Variants in SPTLC3 observed in about 807,000 individuals in gnomAD.
SPTLC3 encodes the protein serine palmitoyltransferase long chain base subunit 3.
A neutral mutation model predicts 59.3 loss-of-function variants in SPTLC3; 36 were observed. The ratio of observed to expected loss-of-function variants is 0.61; its 90% CI spans 0.47 to 0.80. SPTLC3 has a LOEUF of 0.80. SPTLC3 is among the 30% of genes least tolerant of loss of function. The pLI, the probability that SPTLC3 is intolerant of heterozygous loss-of-function variation, is 0.00. For missense variants in SPTLC3, 625 were observed against 685.1 expected (o/e 0.91, Z 0.98); for synonymous variants, 257 against 240.8 (o/e 1.07, Z -0.62).
chr20:13,154,979 G>A (rs922720671), intron 10 of SPTLC3, among the ~76,000 whole-genome samples: 5 of 152,032 alleles, frequency 3.3e-5, no homozygotes, highest in South Asian at 4.1e-4. Context: ...TCAGGAGTTC[G>A]AGACCAGCCT....
rs1014847697 is a variant in SPTLC3, at chr20:13,167,062, G to A, written c.*2195G>A. ...ATATACAGGTATGAGAACAACTGTT[G>A]ATATACAGGTATAATCCAAGTAGAA... On this transcript the variant is annotated 3_prime_UTR_variant, in exon 12 of 12. Coordinates refer to ENST00000399002, the MANE Select transcript of SPTLC3 (RefSeq NM_018327.4). 6.6e-6 allele frequency: 1 copy of A among 152,126 alleles called. No individual in the cohort carries two copies. Among genetic ancestry groups the A allele is most frequent in the African/African-American group, 2.4e-5 (1 of 41,424 alleles). 9.4% of individuals were successfully genotyped at this position (152,126 alleles called of 1,614,324 possible).
chr20:13,049,273 C>G, intron 2 of SPTLC3, 143 bp downstream of exon 2: 1 of 851,990 alleles, frequency 1.2e-6, no homozygotes, highest in South Asian at 1.4e-5. Context: ...TCTCCACCTC[C>G]TAAACCCCAT....
chr20:13,144,901 A>G (rs2038473801), intron 9 of SPTLC3, among the ~76,000 whole-genome samples: 1 of 152,136 alleles, frequency 6.6e-6, no homozygotes, highest in Non-Finnish European at 1.5e-5. Flanking sequence ...CAGCCTCCCA[A>G]GTAGCTGGGA....
chr20:13,100,003 A>G (rs1989548908), intron 6 of SPTLC3, among the ~76,000 whole-genome samples: 1 of 152,200 alleles, frequency 6.6e-6, no homozygotes, highest in African/African-American at 2.4e-5. Context: ...GCTCTCACAG[A>G]CTGTCCTCTG....
chr20:13,047,678 T>C (rs1270484652), intron 1 of SPTLC3, among the ~76,000 whole-genome samples: 1 of 152,138 alleles, frequency 6.6e-6, no homozygotes, highest in African/African-American at 2.4e-5. Context: ...TGCAAATCAA[T>C]TAAACAGTCA....
intron 4 of SPTLC3, 129 bp downstream of exon 4, chr20:13,074,626 A>G: frequency 2.7e-6 from 3 of 1,130,392 alleles, no homozygotes; most frequent in South Asian, 4.1e-5. Flanking sequence ...AAAGAAAAAA[A>G]AGAGATATTT....
rs891495310 is a variant in SPTLC3 at position 13,036,239 on chromosome 20, A to C, written c.118-12706A>C. Among the ~76,000 whole-genome samples the C allele has an allele frequency of 6.6e-5, 10 of 152,146 alleles. No individual in the cohort carries two copies. In the South Asian group the frequency reaches 1.9e-3, roughly 28 times the overall value. On this transcript the variant is annotated intron_variant, in intron 1 of 11. Transcript: ENST00000399002. ...TTGAACTGTTAGGATCTATTTATAC[A>C]CTGATTTTTTTTCAATAGAAGTTAC...
At chr20:13,161,404 T>C (rs1179206227) in intron 11 of SPTLC3, among the ~76,000 whole-genome samples, 2 of 152,176 alleles carry the variant, frequency 1.3e-5, no homozygotes, top group Non-Finnish European at 2.9e-5. Context: ...GGAACTGCTA[T>C]AGTTTAGGGA....
At chr20:13,093,125 T>C (rs1381606056) in intron 5 of SPTLC3, among the ~76,000 whole-genome samples, 1 of 152,190 alleles carries the variant, frequency 6.6e-6, no homozygotes, top group Admixed American at 6.5e-5. Context: ...TAATCTCTCA[T>C]GGAAGTGCCC....
chr20:13,018,739 A>G (rs1985695150), intron 1 of SPTLC3, among the ~76,000 whole-genome samples: 1 of 152,212 alleles, frequency 6.6e-6, no homozygotes, highest in Admixed American at 6.5e-5. Context: ...TATTAACCTA[A>G]TTAATTGCAA....
chr20:13,057,435 TTC>T (rs1387603193), intron 2 of SPTLC3, among the ~76,000 whole-genome samples: 1 of 152,234 alleles, frequency 6.6e-6, no homozygotes, highest in Non-Finnish European at 1.5e-5. Context: ...TTTCACTATT[TTC>T]TCTTTCTCTG....
intron 2 of SPTLC3, among the ~76,000 whole-genome samples, chr20:13,058,818 C>A (rs1454031456): frequency 6.6e-6 from 1 of 152,178 alleles, no homozygotes; most frequent in Admixed American, 6.5e-5. Flanking sequence ...CATGTTGATC[C>A]TTCCGTAACC....
At chr20:13,033,020 CTCAA>C (rs2122439774) in intron 1 of SPTLC3, among the ~76,000 whole-genome samples, 1 of 152,264 alleles carries the variant, frequency 6.6e-6, no homozygotes, top group South Asian at 2.1e-4. Flanking sequence ...CAAAGACATG[CTCAA>C]TCAATCAAGA....
intron 4 of SPTLC3, among the ~76,000 whole-genome samples, chr20:13,075,855 G>T (rs531287791): frequency 6.0e-4 from 91 of 152,216 alleles, no homozygotes; most frequent in Admixed American, 1.3e-4. Flanking sequence ...GAGACAGAAT[G>T]CTGCCTACAC....
chr20:13,110,182 G>A lies in SPTLC3; in HGVS notation c.897G>A (p.Trp299Ter). The stretch of plus-strand genomic sequence containing the variant: ...GCCAGCCTCGAACCCGCAGAGCTTG[G>A]AAAAAGATTCTCATCCTGGTGGAGG... ...IYGQPRTRRAWKKILILVEGV... is the reference protein window; with the variant it reads ...IYGQPRTRRA The change falls in exon 7 of 12, where the codon TGG (tryptophan) becomes TGA (stop). Residue 299 changes from tryptophan (W) to a stop codon, truncating the protein, a stop_gained. Coordinates refer to ENST00000399002, the MANE Select transcript of SPTLC3 (RefSeq NM_018327.4). LOFTEE classifies it high-confidence loss of function. 6.2e-7 allele frequency: 1 copy of A among 1,613,586 alleles called. No individual in the cohort carries two copies. Among genetic ancestry groups the A allele is most frequent in the Non-Finnish European group, 8.5e-7 (1 of 1,179,720 alleles).
chr20:13,162,571 G>C lies in SPTLC3; in HGVS notation c.1546-2183G>C, dbSNP rs568250471. Among the ~76,000 whole-genome samples, 786 of 152,246 alleles carry C rather than the reference G, an allele frequency of 5.2e-3. 13 individuals are homozygous for C. The South Asian group carries it at 0.055, about 11-fold the overall frequency. On this transcript the variant is annotated intron_variant, in intron 11 of 11. Transcript: ENST00000399002. ...ATTGAACCTAAAGGCTCATAGACTAGAAATAATATTAGACAAATGCACTCT... is the reference window on the plus strand; with the variant it reads ...ATTGAACCTAAAGGCTCATAGACTACAAATAATATTAGACAAATGCACTCT...
intron 2 of SPTLC3, among the ~76,000 whole-genome samples, chr20:13,056,295 G>A (rs1436630138): frequency 6.6e-6 from 1 of 152,124 alleles, no homozygotes; most frequent in Non-Finnish European, 1.5e-5. Context: ...GTAGATAAAT[G>A]TGCCTTTCAC....
chr20:13,074,366 T>C lies in SPTLC3; in HGVS notation c.476T>C (p.Ile159Thr), dbSNP rs764411618. The C allele has an allele frequency of 1.2e-6, 2 of 1,614,086 alleles. No individual in the cohort carries two copies. The highest frequency in any genetic ancestry group is 2.2e-5 in the East Asian group (1 of 44,842). The change falls in exon 4 of 12, where the codon ATC (isoleucine) becomes ACC (threonine). Residue 159 changes from isoleucine to threonine, a missense_variant. Physicochemically the swap from Ile to Thr is moderately conservative, Grantham distance 89 (BLOSUM62 -1). Coordinates refer to ENST00000399002, the MANE Select transcript of SPTLC3 (RefSeq NM_018327.4). ...CCCCACAGGTTTACTGGAAGAGTCATCAAAGATGTCATCAACATGGGCTCC... is the reference window on the plus strand; with the variant it reads ...CCCCACAGGTTTACTGGAAGAGTCACCAAAGATGTCATCAACATGGGCTCC... Reference protein sequence around the residue: ...NWTFRFTGRVIKDVINMGSYN... With the variant: ...NWTFRFTGRVTKDVINMGSYN...
At chr20:13,044,192 T>C (rs7270427) in intron 1 of SPTLC3, among the ~76,000 whole-genome samples, 18,748 of 151,594 alleles carry the variant, frequency 0.12, 1,237 homozygotes, top group Middle Eastern at 0.21. Flanking sequence ...CTCTGCCTCC[T>C]GGGTTCAAGC....
Sources: gnomAD v4.1 joint callset for allele counts (sites outside exome capture counted in the v4.1 genomes callset) on GRCh38, gnomAD v4.1.1 for gene constraint, MANE v1.5 for transcripts, NCBI Gene and HGNC (gene_info 2026-07-23, HGNC 2026-07-21) for gene names.